Variants in NME7 observed in about 807,000 individuals in gnomAD.
NME7 encodes the protein NME/NM23 family member 7.
In NME7, 41 loss-of-function variants were observed where a neutral mutation model predicts 49.1. That is an observed-to-expected ratio of 0.83 (90% CI 0.65 to 1.08). The LOEUF is 1.08. NME7 is among the 50% of genes least tolerant of loss of function. NME7 has a pLI of 0.00. For missense variants in NME7, 423 were observed against 463.4 expected (o/e 0.91, Z 0.80); for synonymous variants, 139 against 150.6 (o/e 0.92, Z 0.56).
chr1:169,201,014 T>C (rs12736723), intron 10 of NME7, among the ~76,000 whole-genome samples: 54,211 of 151,976 alleles, frequency 0.36, 10,452 homozygotes, highest in East Asian at 0.73. Context: ...GAGGATCCCT[T>C]GAACTCAGGA....
intron 1 of NME7, among the ~76,000 whole-genome samples, chr1:169,355,304 T>TTGTATATTATATAC: frequency 9.6e-6 from 1 of 104,620 alleles, no homozygotes; most frequent in African/African-American, 4.0e-5. Context: ...ATATTATATA[T>TTGTATATTATATAC]AATATATTGT....
chr1:169,327,810 T>C (rs1460251557), intron 1 of NME7, among the ~76,000 whole-genome samples: 1 of 152,202 alleles, frequency 6.6e-6, no homozygotes, highest in African/African-American at 2.4e-5. Context: ...CACCTCTCTC[T>C]GCTACTGTTT....
chr1:169,177,973 A>AT (rs1659808097), intron 10 of NME7, among the ~76,000 whole-genome samples: 2 of 152,024 alleles, frequency 1.3e-5, no homozygotes, highest in Non-Finnish European at 2.9e-5. Context: ...AGCAGCTAGG[A>AT]CTACAGGCGC....
chr1:169,174,054 G>T (rs977164595), intron 10 of NME7, among the ~76,000 whole-genome samples: 1 of 152,132 alleles, frequency 6.6e-6, no homozygotes, highest in Non-Finnish European at 1.5e-5. Context: ...GTCCCATCAA[G>T]TCAAATTCTT....
chr1:169,257,100 A>C lies in NME7; in HGVS notation c.755-19413T>G, dbSNP rs1023846102. 8.9e-5 allele frequency among the ~76,000 whole-genome samples: 12 copies of C among 134,724 alleles called. 3 individuals carry two copies. Among genetic ancestry groups the C allele is most frequent in the Non-Finnish European group, 2.1e-4 (12 of 57,068 alleles). 88.4% of individuals were successfully genotyped at this position (134,724 alleles called of 152,430 possible). Reference sequence around the variant, plus strand: ...GCTGTGGTGGGCTCCGCCCAGGTGGAGCTTCCTGGCTGCTTTGTTTACCTA... The same window carrying C: ...GCTGTGGTGGGCTCCGCCCAGGTGGCGCTTCCTGGCTGCTTTGTTTACCTA... On this transcript the variant is annotated intron_variant, in intron 7 of 11. Transcript: ENST00000367811.
intron 3 of NME7, among the ~76,000 whole-genome samples, chr1:169,317,219 G>T (rs1015438618): frequency 6.6e-6 from 1 of 152,110 alleles, no homozygotes; most frequent in African/African-American, 2.4e-5. Flanking sequence ...ACCCAAATAC[G>T]CTATCAATCA....
chr1:169,237,759 T>G, intron 7 of NME7, 72 bp from the exon 8 acceptor site: 1 of 1,180,826 alleles, frequency 8.5e-7, no homozygotes, highest in Non-Finnish European at 1.2e-6. Context: ...AATGCAAATT[T>G]TTTATAGCAA....
chr1:169,230,676 T>C (rs774011058), intron 10 of NME7, 42 bp downstream of exon 10: 11 of 1,353,060 alleles, frequency 8.1e-6, no homozygotes, highest in African/African-American at 1.5e-5. Context: ...AAATAGTGAA[T>C]AGATAACACA....
intron 5 of NME7, among the ~76,000 whole-genome samples, chr1:169,300,838 G>T (rs985804486): frequency 1.9e-4 from 29 of 152,062 alleles, no homozygotes; most frequent in Admixed American, 1.9e-3. Context: ...ATGGAGAAAG[G>T]ATTCTCTATT....
At chr1:169,240,402 C>T (rs1385168492) in intron 7 of NME7, among the ~76,000 whole-genome samples, 1 of 151,626 alleles carries the variant, frequency 6.6e-6, no homozygotes, top group Non-Finnish European at 1.5e-5. Flanking sequence ...CAATCTGTTG[C>T]CATATGTTGT....
intron 8 of NME7, 142 bp downstream of exon 8, chr1:169,237,481 G>A (rs1647903220): frequency 3.9e-6 from 2 of 506,714 alleles, no homozygotes; most frequent in Middle Eastern, 5.5e-4. Flanking sequence ...TTTGACTACA[G>A]GAAGGTTACT....
intron 11 of NME7, among the ~76,000 whole-genome samples, chr1:169,168,431 CT>C (rs72011611): frequency 0.37 from 56,071 of 151,530 alleles, 10,899 homozygotes; most frequent in East Asian, 0.73. Context: ...CCTTCCCCGC[CT>C]TTTTTGGAGG....
intron 11 of NME7, among the ~76,000 whole-genome samples, chr1:169,148,395 T>C (rs1271707124): frequency 6.6e-6 from 1 of 152,194 alleles, no homozygotes; most frequent in African/African-American, 2.4e-5. Flanking sequence ...GTTAGACTAG[T>C]CTTCTGTTTC....
intron 6 of NME7, 113 bp from the exon 7 acceptor site, chr1:169,287,521 A>G: frequency 1.2e-6 from 1 of 809,342 alleles, no homozygotes; most frequent in Non-Finnish European, 1.9e-6. Context: ...CATCATATAA[A>G]TTTTTTGTTT....
Position 169,132,802 on chromosome 1 carries a change from T to TGAA in NME7, c.1111_1113dup (p.Phe371dup), listed in dbSNP as rs777210651. 1.2e-6 allele frequency: 2 copies of TGAA among 1,613,410 alleles called. No individual in the cohort carries two copies. The highest frequency in any genetic ancestry group is 1.7e-5 in the Admixed American group (1 of 59,914). ...CCACACCACTAATTATCCAAGATCT[T>TGAA]GAAGAAGTATTGAACCTGAAACGGA... On this transcript the variant is annotated inframe_insertion, in exon 12 of 12. Coordinates refer to ENST00000367811, the MANE Select transcript of NME7 (RefSeq NM_013330.5).
chr1:169,165,070 C>T (rs192830947), intron 11 of NME7, among the ~76,000 whole-genome samples: 6 of 150,658 alleles, frequency 4.0e-5, no homozygotes, highest in Non-Finnish European at 7.4e-5. Context: ...AGAACATTAA[C>T]AGTGACAGAA....
chr1:169,286,555 G>GTA (rs1312075744), intron 7 of NME7: 1 of 151,962 alleles, frequency 6.6e-6, no homozygotes, highest in Non-Finnish European at 1.5e-5. Context: ...CTTTATATAT[G>GTA]TATATATATG....
At chr1:169,282,145 A>C (rs574084408) in intron 7 of NME7, among the ~76,000 whole-genome samples, 11 of 152,288 alleles carry the variant, frequency 7.2e-5, no homozygotes, top group African/African-American at 2.6e-4. Flanking sequence ...TGGTCTGTTC[A>C]GGGGTTCTAC....
intron 1 of NME7, among the ~76,000 whole-genome samples, chr1:169,366,726 C>G (rs561576966): frequency 2.0e-4 from 30 of 152,102 alleles, no homozygotes; most frequent in Admixed American, 9.2e-4. Flanking sequence ...GCCTGTTATA[C>G]TCCATCATGT....
Sources: allele counts gnomAD v4.1 joint callset (sites outside exome capture counted in the v4.1 genomes callset), GRCh38; gene constraint gnomAD v4.1.1; transcripts MANE v1.5; gene names NCBI Gene and HGNC (gene_info 2026-07-23, HGNC 2026-07-21).